WDR41: variants seen among roughly 807,000 people sequenced by gnomAD.
WDR41 encodes the protein WD repeat domain 41.
WDR41 carries 63 observed loss-of-function variants against 69.3 expected under a neutral mutation model. The observed-to-expected ratio is 0.91, with a 90% CI of 0.74 to 1.12. The LOEUF (loss-of-function observed/expected upper bound fraction) is 1.12. Among genes scored for constraint, WDR41 ranks in the 50% most tolerant of loss-of-function variants. The pLI is 0.00. For synonymous variants in WDR41, 185 were observed against 192.1 expected, an observed-to-expected ratio of 0.96 and a Z score of 0.31; for missense variants, 543 against 534.5, an observed-to-expected ratio of 1.02 and a Z score of -0.16.
At chr5:77,490,540 A>G (rs1801727873) in intron 1 of WDR41, among the ~76,000 whole-genome samples, 1 of 152,202 alleles carries the variant, frequency 6.6e-6, no homozygotes, top group Admixed American at 6.5e-5. Flanking sequence ...ATACAACTCA[A>G]TTAGATTTAT....
intron 9 of WDR41, 84 bp from the exon 10 acceptor site, chr5:77,438,445 A>T: frequency 6.5e-7 from 1 of 1,547,758 alleles, no homozygotes; most frequent in Non-Finnish European, 8.7e-7. Context: ...ATGTGACATC[A>T]GAAAGCCACC....
intron 2 of WDR41, among the ~76,000 whole-genome samples, chr5:77,480,662 TG>T (rs1801189675): frequency 9.3e-6 from 1 of 107,708 alleles, no homozygotes; most frequent in South Asian, 3.2e-4. Context: ...CATCACACTC[TG>T]GGGACTGTTG....
At chr5:77,477,846 G>C (rs1581747976) in intron 2 of WDR41, among the ~76,000 whole-genome samples, 1 of 138,832 alleles carries the variant, frequency 7.2e-6, no homozygotes, top group African/African-American at 2.9e-5. Flanking sequence ...GAAGGACATA[G>C]AGACACAAAA....
At chr5:77,496,120 T>C (rs1801929428), upstream of WDR41, among the ~76,000 whole-genome samples, 1 of 151,984 alleles carries the variant, frequency 6.6e-6, no homozygotes, top group Non-Finnish European at 1.5e-5. Context: ...AATTCCTCAA[T>C]AGGATAAAAA....
intron 1 of WDR41, among the ~76,000 whole-genome samples, chr5:77,508,335 A>AG (rs1016940644): frequency 6.6e-6 from 1 of 152,022 alleles, no homozygotes; most frequent in African/African-American, 2.4e-5. Context: ...ACTGATCTTG[A>AG]ACTCCTGGGC....
intron 1 of WDR41, among the ~76,000 whole-genome samples, chr5:77,542,322 G>A (rs1035405689): frequency 3.9e-5 from 6 of 152,080 alleles, no homozygotes; most frequent in African/African-American, 1.4e-4. Context: ...TAGCTAATGG[G>A]TGCTGGGCTT....
intron 1 of WDR41, among the ~76,000 whole-genome samples, chr5:77,549,317 C>G (rs1270485631): frequency 6.6e-6 from 1 of 152,074 alleles, no homozygotes; most frequent in African/African-American, 2.4e-5. Context: ...GTCAAATTAT[C>G]TTTCTTCACT....
At chr5:77,596,869 C>G (rs929334162) in intron 1 of WDR41, among the ~76,000 whole-genome samples, 8 of 151,964 alleles carry the variant, frequency 5.3e-5, no homozygotes, top group African/African-American at 1.9e-4. Context: ...AATCCTAGCA[C>G]TTTGGGAGGG....
intron 1 of WDR41, among the ~76,000 whole-genome samples, chr5:77,519,808 A>G (rs1465971766): frequency 6.6e-6 from 1 of 151,642 alleles, no homozygotes; most frequent in Non-Finnish European, 1.5e-5. Flanking sequence ...CTTTCATATA[A>G]ACACACACAG....
intron 1 of WDR41, 95 bp downstream of exon 1, chr5:77,492,075 G>A (rs957899006): frequency 2.7e-6 from 4 of 1,468,654 alleles, no homozygotes; most frequent in Non-Finnish European, 3.7e-6. Flanking sequence ...CCTCCGCCCG[G>A]GTCCCCGCGG....
chr5:77,493,710 T>G (rs565301429), upstream of WDR41, among the ~76,000 whole-genome samples: 34 of 152,254 alleles, frequency 2.2e-4, no homozygotes, highest in African/African-American at 7.9e-4. Context: ...TATCTTTAAG[T>G]AAAACAAAAC....
chr5:77,503,346 C>G (rs1802050306), intron 1 of WDR41, among the ~76,000 whole-genome samples: 1 of 152,060 alleles, frequency 6.6e-6, no homozygotes, highest in Non-Finnish European at 1.5e-5. Context: ...TATATATGCA[C>G]CCAATACAGG....
At chr5:77,554,494 T>A (rs771727570) in intron 1 of WDR41, among the ~76,000 whole-genome samples, 8 of 152,074 alleles carry the variant, frequency 5.3e-5, no homozygotes, top group Non-Finnish European at 1.2e-4. Flanking sequence ...AGGACACAAC[T>A]ACAAAGTACC....
intron 2 of WDR41, among the ~76,000 whole-genome samples, chr5:77,468,677 G>A (rs559250064): frequency 6.6e-6 from 1 of 152,158 alleles, no homozygotes; most frequent in East Asian, 1.9e-4. Flanking sequence ...AAATCTTCCT[G>A]TATTCAATGT....
chr5:77,515,580 G>A lies in WDR41; in HGVS notation c.43-26008C>T, dbSNP rs74712040. ...GCAGTAACATCATTATTCTTATCAA[G>A]TATTATATAGGGTACATATTATATA... On this transcript the variant is annotated intron_variant, in intron 1 of 5. Coordinates refer to the WDR41 transcript ENST00000509971. Among the ~76,000 whole-genome samples the A allele has an allele frequency of 4.3e-3, 652 of 152,230 alleles. 1 individual carries two copies. The highest frequency in any genetic ancestry group is 7.1e-3 in the Non-Finnish European group (482 of 68,014).
chr5:77,525,840 G>T (rs1019927372), intron 1 of WDR41, among the ~76,000 whole-genome samples: 1 of 152,136 alleles, frequency 6.6e-6, no homozygotes, highest in Non-Finnish European at 1.5e-5. Flanking sequence ...GGCCCGGAGA[G>T]GTGTAAAGAT....
intron 2 of WDR41, among the ~76,000 whole-genome samples, chr5:77,485,331 T>C (rs368861306): frequency 7.0e-4 from 107 of 152,370 alleles, no homozygotes; most frequent in African/African-American, 2.5e-3. Flanking sequence ...AGAAAGAATA[T>C]GTTTAGCTTG....
chr5:77,586,866 G>A (rs1261962031), intron 1 of WDR41, among the ~76,000 whole-genome samples: 7 of 139,064 alleles, frequency 5.0e-5, no homozygotes, highest in Non-Finnish European at 9.3e-5. Flanking sequence ...CTACAGGCAC[G>A]TGCCAGTACG....
intron 1 of WDR41, among the ~76,000 whole-genome samples, chr5:77,600,953 G>C (rs1744313109): frequency 6.6e-6 from 1 of 151,694 alleles, no homozygotes; most frequent in African/African-American, 2.4e-5. Flanking sequence ...GTGTGTGTGT[G>C]TGTGTGTGTG....
Sources: gnomAD v4.1 joint callset for allele counts (sites outside exome capture counted in the v4.1 genomes callset) on GRCh38, gnomAD v4.1.1 for gene constraint, MANE v1.5 for transcripts, NCBI Gene and HGNC (gene_info 2026-07-23, HGNC 2026-07-21) for gene names.